The following AP3S2 variants were observed in gnomAD, a reference collection of about 807,000 sequenced individuals.
AP3S2 encodes the protein adaptor related protein complex 3 subunit sigma 2.
AP3S2 carries 22 observed loss-of-function variants against 23.4 expected under a neutral mutation model. The observed-to-expected ratio is 0.94, with a 90% CI of 0.67 to 1.34. The LOEUF is 1.34. Ranked by LOEUF, AP3S2 falls within the 40% of genes most tolerant of loss-of-function variation. AP3S2 has a pLI of 0.00. For synonymous variants in AP3S2, 86 were observed against 87.1 expected, an observed-to-expected ratio of 0.99 and a Z score of 0.07; for missense variants, 241 against 236.9, an observed-to-expected ratio of 1.02 and a Z score of -0.11.
chr15:89,864,582 A>G (rs745986539), intron 4 of AP3S2, among the ~76,000 whole-genome samples: 8 of 151,392 alleles, frequency 5.3e-5, no homozygotes, highest in Non-Finnish European at 1.2e-4. Context: ...TTTTTTTGAG[A>G]CGGAGTCTCG....
At chr15:89,837,542 C>G in intron 5 of AP3S2, 73 bp downstream of exon 5, 1 of 1,565,982 alleles carries the variant, frequency 6.4e-7, no homozygotes, top group Non-Finnish European at 8.8e-7. Context: ...CACAAACCAA[C>G]ACATGTACAC....
intron 3 of AP3S2, among the ~76,000 whole-genome samples, chr15:89,880,120 G>A (rs905536733): frequency 6.6e-6 from 1 of 151,548 alleles, no homozygotes; most frequent in Non-Finnish European, 1.5e-5. Context: ...TGGAGTCTGG[G>A]TGACGAAGTG....
At chr15:89,865,058 C>T (rs1475737487) in intron 4 of AP3S2, among the ~76,000 whole-genome samples, 1 of 152,100 alleles carries the variant, frequency 6.6e-6, no homozygotes, top group Non-Finnish European at 1.5e-5. Context: ...TCAGGACAGG[C>T]TTGGTTAAGT....
intron 3 of AP3S2, among the ~76,000 whole-genome samples, chr15:89,877,861 CTTTAA>C (rs1488841281): frequency 6.6e-6 from 1 of 152,060 alleles, no homozygotes. Flanking sequence ...TTTGCATTGG[CTTTAA>C]TTTATTGAAA....
At chr15:89,880,478 G>A (rs1896544375) in intron 3 of AP3S2, among the ~76,000 whole-genome samples, 1 of 152,090 alleles carries the variant, frequency 6.6e-6, no homozygotes, top group Non-Finnish European at 1.5e-5. Context: ...TTTGAGACCA[G>A]CCTGGTCAAC....
Position 89,844,993 on chromosome 15 carries a change from T to C in AP3S2, c.346-7271A>G, listed in dbSNP as rs1895451013. ...CGATCTCGGCTCACTGCAGCCTCTG[T>C]CTCCCAGGCTCAAGCGATTCTCTTG... On this transcript the variant is annotated intron_variant, in intron 4 of 5. Coordinates refer to ENST00000336418, the MANE Select transcript of AP3S2 (RefSeq NM_005829.5). 2.6e-5 allele frequency among the ~76,000 whole-genome samples: 4 copies of C among 152,138 alleles called. No homozygotes were observed. In the South Asian group the frequency reaches 6.2e-4, roughly 24 times the overall value.
At chr15:89,837,838 C>G (rs552973333) in intron 4 of AP3S2, 116 bp from the exon 5 acceptor site, 1 of 1,214,592 alleles carries the variant, frequency 8.2e-7, no homozygotes, top group African/African-American at 1.5e-5. Context: ...TCCTGACTCA[C>G]AACTCAGACA....
chr15:89,885,005 C>G (rs908675168), intron 3 of AP3S2, among the ~76,000 whole-genome samples: 7 of 152,086 alleles, frequency 4.6e-5, no homozygotes, highest in Admixed American at 6.6e-5. Context: ...ATAAAATGCG[C>G]TTAGGTAGTA....
At chr15:89,870,306 C>A (rs562723076) in intron 4 of AP3S2, among the ~76,000 whole-genome samples, 5 of 152,262 alleles carry the variant, frequency 3.3e-5, no homozygotes, top group African/African-American at 1.2e-4. Flanking sequence ...AAGTATACAA[C>A]CCTTTCATAT....
In AP3S2 at chr15:89,865,974, G is replaced by A. The variant is rs559952797; in HGVS notation, c.345+5501C>T. The stretch of plus-strand genomic sequence containing the variant: ...AATGTTGACTTTCAAAGTCACCTTG[G>A]AGGCTGGGCGCGGTGGCTCACTCAC... On this transcript the variant is annotated intron_variant, in intron 4 of 5. Transcript: ENST00000336418. Among the ~76,000 whole-genome samples, 4 of 152,198 alleles carry A rather than the reference G, an allele frequency of 2.6e-5. No homozygotes were observed. The East Asian group carries it at 5.8e-4, about 22-fold the overall frequency.
intron 4 of AP3S2, among the ~76,000 whole-genome samples, chr15:89,849,520 C>T (rs1225798092): frequency 2.0e-5 from 3 of 152,032 alleles, no homozygotes; most frequent in Non-Finnish European, 2.9e-5. Context: ...GCGCCCACCA[C>T]CACGCCCGGC....
rs901075490 is a variant in AP3S2 at position 89,835,389 on chromosome 15, A to G, written c.*126T>C. 4.0e-5 allele frequency: 59 copies of G among 1,493,634 alleles called. No individual in the cohort carries two copies. The highest frequency in any genetic ancestry group is 5.1e-5 in the Non-Finnish European group (57 of 1,111,160). 92.5% of individuals were successfully genotyped at this position (1,493,634 alleles called of 1,614,324 possible). A position where few individuals can be genotyped will look rare whatever the true frequency, so the allele number is the denominator to read the frequency against. ...TTCCATGCCAAACAGTCTTCCCCAG[A>G]CACAAAGTTTCCAGGTCCTGAGGCT... On this transcript the variant is annotated 3_prime_UTR_variant, in exon 6 of 6. Coordinates refer to ENST00000336418, the MANE Select transcript of AP3S2 (RefSeq NM_005829.5).
intron 4 of AP3S2, among the ~76,000 whole-genome samples, chr15:89,866,032 T>G (rs1896109207): frequency 6.6e-6 from 1 of 151,928 alleles, no homozygotes; most frequent in South Asian, 2.1e-4. Context: ...GAGACTGAGG[T>G]GGGTGGATCA....
rs1361309189 is a variant in AP3S2, at chr15:89,832,042, TTC to T, written c.*3471_*3472del. On this transcript the variant is annotated 3_prime_UTR_variant, in exon 6 of 6. Coordinates refer to ENST00000336418, the MANE Select transcript of AP3S2 (RefSeq NM_005829.5). ...ACAACAGGAGCAGACAGAGCCTTGT[TTC>T]TCTCTTAATCTTCAGAGCCTAGAAC... is the stretch of plus-strand genomic sequence containing the variant. 2.6e-5 allele frequency: 4 copies of T among 152,216 alleles called. No individual in the cohort carries two copies. Among genetic ancestry groups the T allele is most frequent in the African/African-American group, 9.6e-5 (4 of 41,462 alleles). The allele number at this position is 152,216 out of a possible 1,614,324, so 9.4% of individuals were successfully genotyped here.
intron 4 of AP3S2, among the ~76,000 whole-genome samples, chr15:89,847,672 G>C (rs544821435): frequency 4.7e-4 from 71 of 152,204 alleles, no homozygotes; most frequent in Non-Finnish European, 8.8e-4. Flanking sequence ...GACTGATCTG[G>C]TACCTGAAGA....
At chr15:89,861,251 T>C (rs1466239665) in intron 4 of AP3S2, among the ~76,000 whole-genome samples, 9 of 152,158 alleles carry the variant, frequency 5.9e-5, no homozygotes, top group Non-Finnish European at 1.2e-4. Flanking sequence ...TTCAGCACCA[T>C]TCAGAAGCAT....
At chr15:89,845,132 C>T (rs1453831436) in intron 4 of AP3S2, among the ~76,000 whole-genome samples, 1 of 152,154 alleles carries the variant, frequency 6.6e-6, no homozygotes, top group Non-Finnish European at 1.5e-5. Context: ...GTCTTGAACT[C>T]CTGAGCTCAG....
intron 4 of AP3S2, among the ~76,000 whole-genome samples, chr15:89,854,526 G>T (rs1596197152): frequency 2.2e-5 from 2 of 92,422 alleles, no homozygotes; most frequent in Non-Finnish European, 4.7e-5. Context: ...AGGTGGGGGG[G>T]GTCAGCCCCC....
chr15:89,867,099 T>C (rs919145528), intron 4 of AP3S2, among the ~76,000 whole-genome samples: 1 of 142,406 alleles, frequency 7.0e-6, no homozygotes, highest in African/African-American at 2.6e-5. Context: ...ACTACTGCCA[T>C]CTCGGCTCAC....
Sources: gnomAD v4.1 joint callset for allele counts (sites outside exome capture counted in the v4.1 genomes callset) on GRCh38, gnomAD v4.1.1 for gene constraint, MANE v1.5 for transcripts, NCBI Gene and HGNC (gene_info 2026-07-23, HGNC 2026-07-21) for gene names.